The following A2M variants were observed in gnomAD, a reference collection of about 807,000 sequenced individuals.
A2M encodes the protein alpha-2-macroglobulin.
Under a neutral mutation model 183.9 loss-of-function variants are expected in A2M, and 128 were observed. That is an observed-to-expected ratio of 0.70 (90% CI 0.60 to 0.81). The LOEUF (loss-of-function observed/expected upper bound fraction) is 0.81. Ranked by LOEUF, A2M falls within the 30% of genes least tolerant of loss-of-function variation. The probability of loss-of-function intolerance (pLI) is 0.00; values close to 1 mark genes in which losing one functional copy is unlikely to be tolerated. For missense variants in A2M, 1,495 were observed against 1,787.6 expected, an observed-to-expected ratio of 0.84 and a Z score of 2.95; for synonymous variants, 592 against 670.8, an observed-to-expected ratio of 0.88 and a Z score of 1.81.
intron 19 of A2M, 121 bp from the exon 20 acceptor site, chr12:9,090,603 A>G: frequency 3.0e-6 from 3 of 1,014,766 alleles, no homozygotes; most frequent in Non-Finnish European, 4.3e-6. Flanking sequence ...AAGATGATAT[A>G]AATGAAGATC....
At chr12:9,098,362 T>C (rs1949447673) in intron 15 of A2M, 1 of 215,272 alleles carries the variant, frequency 4.6e-6, no homozygotes, top group South Asian at 1.8e-4. Flanking sequence ...TTTTGTCCTT[T>C]TAAAAATTCT....
In A2M at chr12:9,098,748, C is replaced by G. The variant is rs756795231; in HGVS notation, c.1710G>C (p.Leu570Phe). The change falls in exon 15 of 36, where the codon TTG (leucine) becomes TTC (phenylalanine). Residue 570 changes from leucine (L) to phenylalanine (F), a missense_variant. Physicochemically the swap from Leu to Phe is conservative, Grantham distance 22 (BLOSUM62 0). Coordinates refer to ENST00000318602, the MANE Select transcript of A2M (RefSeq NM_000014.6). Reference sequence around the variant, plus strand: ...GGAGACTTTGTGATGGGCTGAAGCTCAAATCCACCTGTGAAATTGGAACAA... The same window carrying G: ...GGAGACTTTGTGATGGGCTGAAGCTGAAATCCACCTGTGAAATTGGAACAA... ...VENCLANKVDLSFSPSQSLPA... is the reference protein window; with the variant it reads ...VENCLANKVDFSFSPSQSLPA... The G allele has an allele frequency of 3.4e-5, 55 of 1,612,614 alleles. No individual in the cohort carries two copies. Among genetic ancestry groups the G allele is most frequent in the Non-Finnish European group, 4.5e-5 (53 of 1,179,638 alleles).
chr12:9,107,257 G>A (rs907396640), intron 8 of A2M, among the ~76,000 whole-genome samples: 2 of 152,088 alleles, frequency 1.3e-5, no homozygotes, highest in African/African-American at 4.8e-5. Context: ...GAGGTGTATG[G>A]TTTTTTCCTT....
At chr12:9,094,847 A>G (rs971780638) in intron 17 of A2M, 126 bp downstream of exon 17, 2 of 447,778 alleles carry the variant, frequency 4.5e-6, no homozygotes, top group African/African-American at 4.0e-5. Context: ...ACCTTGAGCA[A>G]TAACCTTAAT....
chr12:9,077,912 C>T, intron 25 of A2M, 55 bp from the exon 26 acceptor site: 2 of 1,605,726 alleles, frequency 1.2e-6, no homozygotes, highest in Non-Finnish European at 1.7e-6. Context: ...GTTTTATAAC[C>T]ACTTCACAGC....
chr12:9,074,564 G>A lies in A2M; in HGVS notation c.3752C>T (p.Thr1251Ile). The A allele has an allele frequency of 6.2e-7, 1 of 1,609,174 alleles. No individual in the cohort carries two copies. Among genetic ancestry groups the A allele is most frequent in the East Asian group, 2.2e-5 (1 of 44,796 alleles). The change falls in exon 29 of 36, where the codon ACC becomes ATC. Residue 1251 changes from threonine (T) to isoleucine (I), a missense_variant. Coordinates refer to ENST00000318602, the MANE Select transcript of A2M (RefSeq NM_000014.6). ...AGGTTTTGGCAAATCACCAACCTGG[G>A]TGGAGGAGAAACCGCCCTGGGCATT... ...QQNAQGGFSS[T>I]QDTVVALHAL...
At chr12:9,067,865 T>G in intron 35 of A2M, 26 bp from the exon 36 acceptor site, 2 of 1,608,806 alleles carry the variant, frequency 1.2e-6, no homozygotes. Context: ...GAAAAAAAAT[T>G]AAGACAGATT....
intron 11 of A2M, among the ~76,000 whole-genome samples, chr12:9,103,001 A>G (rs1220635434): frequency 6.6e-6 from 1 of 152,202 alleles, no homozygotes; most frequent in African/African-American, 2.4e-5. Flanking sequence ...CCATGTATCT[A>G]TAGACATGTC....
intron 25 of A2M, among the ~76,000 whole-genome samples, chr12:9,078,802 TA>T (rs1178555250): frequency 2.0e-5 from 3 of 152,336 alleles, no homozygotes; most frequent in Admixed American, 6.5e-5. Context: ...TTTAGGGATT[TA>T]AAAAAATGTT....
rs749009205 is a variant in A2M at position 9,076,859 on chromosome 12, A to G, written c.3429T>C (p.His1143=). 2 of 1,613,500 alleles carry G rather than the reference A, an allele frequency of 1.2e-6. No individual in the cohort carries two copies. Among genetic ancestry groups the G allele is most frequent in the Non-Finnish European group, 1.7e-6 (2 of 1,179,834 alleles). The change falls in exon 28 of 36, where the codon CAT becomes CAC. Residue 1143 remains histidine (H), a synonymous_variant. Transcript: ENST00000318602. ...KTAQEGDHGS[H]VYTKALLAYA... ...AGGCCAGCAGTGCTTTGGTATATAC[A>G]TGGCTGCCATGGTCCCCTTCTTGTG... is the stretch of plus-strand genomic sequence containing the variant.
upstream of A2M, chr12:9,116,075 A>G: frequency 1.9e-6 from 1 of 528,574 alleles, no homozygotes; most frequent in South Asian, 1.8e-5. Context: ...CTGGCGGGCT[A>G]AATAGAATCC....
At chr12:9,113,659 A>G (rs1938917287) in intron 1 of A2M, 116 bp from the exon 2 acceptor site, 1 of 1,040,298 alleles carries the variant, frequency 9.6e-7, no homozygotes, top group South Asian at 1.7e-5. Context: ...GAGAAGATGT[A>G]CTGATGAGCA....
Position 9,091,293 on chromosome 12 carries a change from A to T in A2M, c.2377T>A (p.Phe793Ile). The change falls in exon 19 of 36, where the codon TTT (phenylalanine) becomes ATT (isoleucine). Residue 793 changes from phenylalanine (F) to isoleucine (I), a missense_variant. By Grantham distance (21) the Phe-to-Ile change is conservative (BLOSUM62 0). Transcript: ENST00000318602. ...TASLRAFQPFFVELTMPYSVI... is the reference protein window; with the variant it reads ...TASLRAFQPFIVELTMPYSVI... ...GAGTAAGGCATTGTGAGCTCCACAA[A>T]GAAGGGCTGGAAGGCTCGGAGAGAG... is the stretch of plus-strand genomic sequence containing the variant. 6.2e-7 allele frequency: 1 copy of T among 1,614,174 alleles called. No individual in the cohort carries two copies.
Position 9,109,263 on chromosome 12 carries a change from A to G in A2M, c.758+58T>C, listed in dbSNP as rs1275977077. On this transcript the variant is annotated intron_variant, in intron 7 of 35. Coordinates refer to ENST00000318602, the MANE Select transcript of A2M (RefSeq NM_000014.6). ...CCGGAGAGAGTAGTTAAAATATCCC[A>G]AATGGTGAGTCTCTTTTAAATAATC... The G allele has an allele frequency of 2.8e-6, 4 of 1,409,342 alleles. No individual in the cohort carries two copies. The East Asian group carries it at 9.3e-5, about 33-fold the overall frequency. 87.3% of individuals were successfully genotyped at this position (1,409,342 alleles called of 1,614,324 possible). A position where few individuals can be genotyped will look rare whatever the true frequency, so the allele number is the denominator to read the frequency against.
chr12:9,110,060 T>C (rs1391186939), intron 5 of A2M, 25 bp from the exon 6 acceptor site: 1 of 1,585,340 alleles, frequency 6.3e-7, no homozygotes, highest in South Asian at 1.2e-5. Flanking sequence ...TAATTATAAC[T>C]TACAAAAGCA....
chr12:9,111,943 G>A, intron 4 of A2M: 1 of 713,634 alleles, frequency 1.4e-6, no homozygotes, highest in Admixed American at 1.8e-5. Context: ...TTAATTGTGT[G>A]ACAACTGACT....
At position 9,092,605 on chromosome 12, in the gene A2M, C is replaced by T. The variant is rs226408; in HGVS notation, c.2240+860G>A. Among the ~76,000 whole-genome samples the T allele has an allele frequency of 6.3e-4, 96 of 152,126 alleles. No individual in the cohort carries two copies. The East Asian group carries it at 0.018, about 29-fold the overall frequency. ...CCACCTGCCCCACTGGCTTGTTTCA[C>T]GGATAAAACTCTGTTTCCAGTGTCT... On this transcript the variant is annotated intron_variant, in intron 18 of 35. Coordinates refer to ENST00000318602, the MANE Select transcript of A2M (RefSeq NM_000014.6).
chr12:9,112,237 C>A (rs775656977), intron 3 of A2M, 26 bp from the exon 4 acceptor site: 3 of 1,613,650 alleles, frequency 1.9e-6, no homozygotes, highest in Non-Finnish European at 2.5e-6. Context: ...TTTTCATGAG[C>A]CCCCAAACCC....
intron 22 of A2M, among the ~76,000 whole-genome samples, chr12:9,083,713 G>A (rs1948975417): frequency 6.8e-6 from 1 of 147,664 alleles, no homozygotes. Flanking sequence ...AGACTATAAA[G>A]CACATTTAAA....
Sources: allele counts gnomAD v4.1 joint callset (sites outside exome capture counted in the v4.1 genomes callset), GRCh38; gene constraint gnomAD v4.1.1; transcripts MANE v1.5; gene names NCBI Gene and HGNC (gene_info 2026-07-23, HGNC 2026-07-21).